GRM8: variants seen among roughly 807,000 people sequenced by gnomAD.
GRM8 encodes metabotropic glutamate receptor 8.
A neutral mutation model predicts 87.2 loss-of-function variants in GRM8; 47 were observed. The ratio of observed to expected loss-of-function variants is 0.54; its 90% CI spans 0.43 to 0.69. The LOEUF (loss-of-function observed/expected upper bound fraction) is 0.69, where lower values mean the gene tolerates loss of function less well. Ranked by LOEUF, GRM8 falls within the 30% of genes least tolerant of loss-of-function variation. GRM8 has a pLI of 0.00. For missense variants in GRM8, 1,019 were observed against 1,139.2 expected (o/e 0.89, Z 1.52); for synonymous variants, 396 against 404.5 (o/e 0.98, Z 0.25).
chr7:127,144,011 C>T (rs1400708176), intron 2 of GRM8, among the ~76,000 whole-genome samples: 1 of 152,078 alleles, frequency 6.6e-6, no homozygotes, highest in Admixed American at 6.6e-5. Context: ...GAATATTTCG[C>T]CTCAACTCCC....
intron 3 of GRM8, among the ~76,000 whole-genome samples, chr7:127,015,229 GAA>G (rs1815500415): frequency 7.6e-6 from 1 of 132,144 alleles, no homozygotes; most frequent in Non-Finnish European, 1.6e-5. Context: ...AGAAGAAGAA[GAA>G]GAAGAAGAAG....
intron 3 of GRM8, among the ~76,000 whole-genome samples, chr7:127,098,680 C>T: frequency 6.6e-6 from 1 of 152,124 alleles, no homozygotes; most frequent in East Asian, 1.9e-4. Flanking sequence ...ACAGAATCTG[C>T]CATCCCAACA....
chr7:126,987,255 C>G (rs1812163140), intron 3 of GRM8, among the ~76,000 whole-genome samples: 1 of 152,124 alleles, frequency 6.6e-6, no homozygotes, highest in Non-Finnish European at 1.5e-5. Flanking sequence ...TGGTAGAGAT[C>G]TGAAAGTGAT....
At chr7:126,691,270 C>T (rs1808777698) in intron 7 of GRM8, among the ~76,000 whole-genome samples, 1 of 152,176 alleles carries the variant, frequency 6.6e-6, no homozygotes, top group South Asian at 2.1e-4. Context: ...TGCATGCATG[C>T]ACCTGGCCAG....
chr7:126,587,272 T>C (rs1245008355), intron 8 of GRM8, among the ~76,000 whole-genome samples: 1 of 152,224 alleles, frequency 6.6e-6, no homozygotes, highest in Non-Finnish European at 1.5e-5. Context: ...AGTGTGGCGA[T>C]TCCTCAAGGA....
At chr7:126,616,808 C>G (rs1563017419) in intron 7 of GRM8, among the ~76,000 whole-genome samples, 1 of 152,254 alleles carries the variant, frequency 6.6e-6, no homozygotes. Flanking sequence ...CACATACACC[C>G]TCCCAAGACT....
chr7:127,029,390 T>C (rs1817131439), intron 3 of GRM8, among the ~76,000 whole-genome samples: 1 of 152,166 alleles, frequency 6.6e-6, no homozygotes, highest in African/African-American at 2.4e-5. Flanking sequence ...GATATCCTTG[T>C]TAATTTTCTG....
chr7:126,518,190 G>A (rs962449472), intron 9 of GRM8, among the ~76,000 whole-genome samples: 2 of 152,010 alleles, frequency 1.3e-5, no homozygotes, highest in East Asian at 1.9e-4. Context: ...TAAGGAACTC[G>A]CTAATGTGAA....
At chr7:126,976,475 T>C (rs995001115) in intron 3 of GRM8, among the ~76,000 whole-genome samples, 11 of 152,156 alleles carry the variant, frequency 7.2e-5, no homozygotes, top group Non-Finnish European at 1.0e-4. Context: ...GCATCTGTGG[T>C]CCCAGCTACT....
chr7:126,733,664 C>T (rs937465418), intron 7 of GRM8, among the ~76,000 whole-genome samples: 2 of 151,706 alleles, frequency 1.3e-5, no homozygotes, highest in African/African-American at 2.4e-5. Flanking sequence ...GCATTAATAA[C>T]GGACAAAAAT....
At chr7:126,601,944 C>G (rs1405723175) in intron 8 of GRM8, among the ~76,000 whole-genome samples, 1 of 133,890 alleles carries the variant, frequency 7.5e-6, no homozygotes, top group Non-Finnish European at 1.7e-5. Context: ...TAATTAGATC[C>G]CATTTGTCAA....
intron 3 of GRM8, among the ~76,000 whole-genome samples, chr7:127,094,440 C>G (rs1379847593): frequency 2.0e-5 from 3 of 152,180 alleles, no homozygotes; most frequent in Non-Finnish European, 2.9e-5. Flanking sequence ...GGGCTTGGGT[C>G]AGACAGAACT....
chr7:126,965,439 A>G (rs934694953), intron 3 of GRM8, among the ~76,000 whole-genome samples: 2 of 152,138 alleles, frequency 1.3e-5, no homozygotes, highest in African/African-American at 4.8e-5. Flanking sequence ...ATATATCTAG[A>G]CTAGTGTTCT....
At chr7:126,655,887 C>T (rs7792592) in intron 7 of GRM8, among the ~76,000 whole-genome samples, 46,689 of 152,012 alleles carry the variant, frequency 0.31, 8,030 homozygotes, top group East Asian at 0.43. Context: ...AAATCACATT[C>T]CAGGGTACCT....
chr7:126,474,767 A>C (rs1199270467), intron 9 of GRM8, among the ~76,000 whole-genome samples: 1 of 152,164 alleles, frequency 6.6e-6, no homozygotes, highest in Non-Finnish European at 1.5e-5. Flanking sequence ...AGCACATGAA[A>C]TGTATCATTC....
At chr7:126,922,684 A>G (rs1275141294) in intron 3 of GRM8, among the ~76,000 whole-genome samples, 1 of 152,102 alleles carries the variant, frequency 6.6e-6, no homozygotes, top group Non-Finnish European at 1.5e-5. Flanking sequence ...CCCAAATCTC[A>G]TATTGAAATG....
At chr7:126,596,794 A>G (rs6964806) in intron 8 of GRM8, among the ~76,000 whole-genome samples, 46,955 of 152,064 alleles carry the variant, frequency 0.31, 8,131 homozygotes, top group East Asian at 0.44. Flanking sequence ...TTGATAGATT[A>G]TATAAATGTC....
At position 126,734,894 on chromosome 7, in the gene GRM8, G is replaced by A. The variant is rs561303779; in HGVS notation, c.1357+34971C>T. On this transcript the variant is annotated intron_variant, in intron 7 of 10. Coordinates refer to ENST00000339582, the MANE Select transcript of GRM8 (RefSeq NM_000845.3). ...AAAAGAGAAAGGTGTTTAGCACCAG[G>A]AAAGAGAGACATTTGGTAGTCAGTA... Among the ~76,000 whole-genome samples, 10 of 152,150 alleles carry A rather than the reference G, an allele frequency of 6.6e-5. No individual in the cohort carries two copies. The South Asian group carries it at 1.9e-3, about 28-fold the overall frequency.
At chr7:126,781,307 A>G (rs1189825990) in intron 6 of GRM8, among the ~76,000 whole-genome samples, 1 of 152,204 alleles carries the variant, frequency 6.6e-6, no homozygotes, top group African/African-American at 2.4e-5. Flanking sequence ...TTTGTAGGAT[A>G]TGTCCAAGTT....
Sources: allele counts gnomAD v4.1 joint callset (sites outside exome capture counted in the v4.1 genomes callset), GRCh38; gene constraint gnomAD v4.1.1; transcripts MANE v1.5; gene names NCBI Gene and HGNC (gene_info 2026-07-23, HGNC 2026-07-21).